Variants in HS3ST5 observed in about 807,000 individuals in gnomAD.
HS3ST5 encodes the protein heparan sulfate-glucosamine 3-sulfotransferase 5.
A neutral mutation model predicts 25.4 loss-of-function variants in HS3ST5; 10 were observed. The observed-to-expected ratio is 0.39, with a 90% CI of 0.24 to 0.67. The LOEUF is 0.67. Ranked by LOEUF, HS3ST5 falls within the 30% of genes least tolerant of loss-of-function variation. The pLI, the probability that HS3ST5 is intolerant of heterozygous loss-of-function variation, is 0.44. For synonymous variants in HS3ST5, 170 were observed against 162.4 expected (o/e 1.05, Z -0.36); for missense variants, 324 against 420.7 (o/e 0.77, Z 2.01).
chr6:114,076,444 T>G (rs1305199530), intron 3 of HS3ST5, among the ~76,000 whole-genome samples: 5 of 152,212 alleles, frequency 3.3e-5, no homozygotes, highest in Admixed American at 6.5e-5. Context: ...TTTTAATGTC[T>G]TAATAGCCCC....
chr6:114,327,090 AT>A (rs1291955587), intron 1 of HS3ST5, among the ~76,000 whole-genome samples: 1 of 152,076 alleles, frequency 6.6e-6, no homozygotes, highest in East Asian at 1.9e-4. Flanking sequence ...AGCTCCTGAC[AT>A]TTTTTTCTTT....
Position 114,055,985 on chromosome 6 carries a change from G to A in HS3ST5, c.*1272C>T, listed in dbSNP as rs554186819. 6.6e-6 allele frequency: 1 copy of A among 152,302 alleles called. No homozygotes were observed. Among genetic ancestry groups the A allele is most frequent in the Non-Finnish European group, 1.5e-5 (1 of 68,008 alleles). 9.4% of individuals were successfully genotyped at this position (152,302 alleles called of 1,614,324 possible). On this transcript the variant is annotated 3_prime_UTR_variant, in exon 5 of 5. Coordinates refer to ENST00000312719, the MANE Select transcript of HS3ST5 (RefSeq NM_153612.4). ...CACTAGGCAGCTGAATCCTTTCAGA[G>A]CAAATTGATATATTTTCAACTAACA...
chr6:114,306,085 G>T (rs573224895), intron 1 of HS3ST5, among the ~76,000 whole-genome samples: 2 of 151,884 alleles, frequency 1.3e-5, no homozygotes, highest in Non-Finnish European at 2.9e-5. Context: ...AATTCTGGGA[G>T]TCTTTGCCTG....
chr6:114,330,538 C>G (rs1776351651), intron 1 of HS3ST5, among the ~76,000 whole-genome samples: 1 of 152,194 alleles, frequency 6.6e-6, no homozygotes, highest in African/African-American at 2.4e-5. Flanking sequence ...ATGCGTCCAA[C>G]CTTCTGGTTT....
intron 3 of HS3ST5, among the ~76,000 whole-genome samples, chr6:114,146,703 C>T (rs187362623): frequency 6.6e-6 from 1 of 152,244 alleles, no homozygotes; most frequent in East Asian, 1.9e-4. Flanking sequence ...GGGTGGATCC[C>T]TCATGGCTTG....
chr6:114,294,441 C>CTT (rs57443813), intron 1 of HS3ST5, among the ~76,000 whole-genome samples: 5,800 of 112,846 alleles, frequency 0.051, 540 homozygotes, highest in African/African-American at 0.17. Context: ...AGGTTAGAAA[C>CTT]TTTTTTTTTT....
intron 3 of HS3ST5, among the ~76,000 whole-genome samples, chr6:114,068,012 T>G (rs1383390874): frequency 6.6e-6 from 1 of 152,190 alleles, no homozygotes; most frequent in Non-Finnish European, 1.5e-5. Context: ...CATTTGTGCA[T>G]TGTGCAAAAA....
rs371011694 is a variant in HS3ST5, at chr6:114,277,214, G to GT, written c.-338-48437dup. On this transcript the variant is annotated intron_variant, in intron 1 of 4. Coordinates refer to ENST00000312719, the MANE Select transcript of HS3ST5 (RefSeq NM_153612.4). ...ATAAGGATGATACATTATTAAAGCT[G>GT]TTTTTTTTTTTAATTCTTGATTTAA... is the stretch of plus-strand genomic sequence containing the variant. Among the ~76,000 whole-genome samples, 1,173 of 143,992 alleles carry GT rather than the reference G, an allele frequency of 8.1e-3. 11 individuals are homozygous for GT. Among genetic ancestry groups the GT allele is most frequent in the African/African-American group, 0.022 (892 of 39,778 alleles). 94.5% of individuals were successfully genotyped at this position (143,992 alleles called of 152,430 possible). A position where few individuals can be genotyped will look rare whatever the true frequency, so the allele number is the denominator to read the frequency against.
chr6:114,340,800 C>T (rs1054173815), intron 1 of HS3ST5: 1 of 152,090 alleles, frequency 6.6e-6, no homozygotes, highest in African/African-American at 2.4e-5. Context: ...CTTGAAAAGA[C>T]CTTAATATAT....
intron 3 of HS3ST5, chr6:114,167,776 G>A (rs920298862): frequency 1.3e-5 from 2 of 152,168 alleles, no homozygotes; most frequent in African/African-American, 4.8e-5. Flanking sequence ...TAAAAAGCAC[G>A]ATAGAACTTG....
chr6:114,290,498 T>C (rs1582791589), intron 1 of HS3ST5, among the ~76,000 whole-genome samples: 1 of 152,138 alleles, frequency 6.6e-6, no homozygotes, highest in East Asian at 1.9e-4. Flanking sequence ...AAAATTGGAG[T>C]ACTAACAGAG....
chr6:114,126,530 G>A (rs1189058049), intron 3 of HS3ST5, among the ~76,000 whole-genome samples: 1 of 152,192 alleles, frequency 6.6e-6, no homozygotes, highest in African/African-American at 2.4e-5. Context: ...TCTTGGGACT[G>A]TTTATTCATT....
At chr6:114,286,529 T>C (rs1427805559) in intron 1 of HS3ST5, among the ~76,000 whole-genome samples, 1 of 152,068 alleles carries the variant, frequency 6.6e-6, no homozygotes, top group Admixed American at 6.6e-5. Flanking sequence ...TATCATATTA[T>C]ATTGATTAAT....
chr6:114,068,208 A>G (rs920221685), intron 3 of HS3ST5, among the ~76,000 whole-genome samples: 7 of 152,214 alleles, frequency 4.6e-5, no homozygotes, highest in Admixed American at 1.3e-4. Context: ...TCAAAGCAAG[A>G]TGGCGCATGC....
intron 1 of HS3ST5, chr6:114,251,629 C>CA (rs1292107402): frequency 1.3e-5 from 2 of 151,992 alleles, no homozygotes; most frequent in Non-Finnish European, 2.9e-5. Flanking sequence ...CAGGCCACAC[C>CA]AATTGGTTCA....
chr6:114,076,798 G>A (rs1007548561), intron 3 of HS3ST5, among the ~76,000 whole-genome samples: 1 of 152,156 alleles, frequency 6.6e-6, no homozygotes, highest in Non-Finnish European at 1.5e-5. Context: ...GTGTCAAGTC[G>A]AATGGGAGAT....
intron 3 of HS3ST5, among the ~76,000 whole-genome samples, chr6:114,152,932 C>T (rs1209384224): frequency 6.6e-6 from 1 of 152,222 alleles, no homozygotes; most frequent in African/African-American, 2.4e-5. Flanking sequence ...GCCTGGGGAT[C>T]TGCCTAATAA....
chr6:114,177,931 G>A (rs1156338880), intron 2 of HS3ST5, among the ~76,000 whole-genome samples: 2 of 152,092 alleles, frequency 1.3e-5, no homozygotes, highest in Non-Finnish European at 2.9e-5. Flanking sequence ...AAGAGGAAAA[G>A]GAATTCAAAA....
At chr6:114,309,479 AAGGCAGGCAGAGCACTTTTG>A (rs1775440654) in intron 1 of HS3ST5, among the ~76,000 whole-genome samples, 1 of 152,182 alleles carries the variant, frequency 6.6e-6, no homozygotes, top group African/African-American at 2.4e-5. Flanking sequence ...TTGGGATGCC[AAGGCAGGCAGAGCACTTTTG>A]AGGCAGGCAG....
Sources: gnomAD v4.1 joint callset for allele counts (sites outside exome capture counted in the v4.1 genomes callset) on GRCh38, gnomAD v4.1.1 for gene constraint, MANE v1.5 for transcripts, NCBI Gene and HGNC (gene_info 2026-07-23, HGNC 2026-07-21) for gene names.